The following SLC7A1 variants were observed in gnomAD, a reference collection of about 807,000 sequenced individuals.
SLC7A1 encodes the protein high affinity cationic amino acid transporter 1.
Under a neutral mutation model 53.9 loss-of-function variants are expected in SLC7A1, and 10 were observed. The ratio of observed to expected loss-of-function variants is 0.19; its 90% CI spans 0.11 to 0.31. SLC7A1 has a LOEUF of 0.31. Among genes scored for constraint, SLC7A1 ranks in the 10% least tolerant of loss-of-function variants. The probability of loss-of-function intolerance (pLI) is 1.00; values close to 1 mark genes in which losing one functional copy is unlikely to be tolerated. For synonymous variants in SLC7A1, 342 were observed against 338.7 expected (o/e 1.01, Z -0.11); for missense variants, 525 against 827.2 (o/e 0.63, Z 4.48).
chr13:29,567,686 G>A (rs1319602022), intron 1 of SLC7A1, among the ~76,000 whole-genome samples: 2 of 152,148 alleles, frequency 1.3e-5, no homozygotes, highest in Admixed American at 6.5e-5. Context: ...GATGCAACCC[G>A]GACAGTGCGG....
intron 2 of SLC7A1, among the ~76,000 whole-genome samples, chr13:29,539,945 CT>C (rs1869592274): frequency 6.6e-6 from 1 of 152,190 alleles, no homozygotes; most frequent in South Asian, 2.1e-4. Context: ...GACACTTACT[CT>C]GTCCTGGGTT....
At chr13:29,555,081 G>A (rs1213064253) in intron 1 of SLC7A1, among the ~76,000 whole-genome samples, 9 of 152,032 alleles carry the variant, frequency 5.9e-5, no homozygotes, top group Non-Finnish European at 1.0e-4. Context: ...ATTGTGGGCC[G>A]GGCGCGGTGG....
At chr13:29,589,998 C>CA (rs1452852662) in intron 1 of SLC7A1, among the ~76,000 whole-genome samples, 1 of 152,248 alleles carries the variant, frequency 6.6e-6, no homozygotes, top group Non-Finnish European at 1.5e-5. Context: ...TACCTAGCCC[C>CA]AGGGCCCCTC....
At chr13:29,570,520 G>A (rs544393791) in intron 1 of SLC7A1, among the ~76,000 whole-genome samples, 2 of 152,322 alleles carry the variant, frequency 1.3e-5, no homozygotes, top group East Asian at 1.9e-4. Flanking sequence ...CAGTGAGACA[G>A]ATAGAAGTTA....
intron 1 of SLC7A1, among the ~76,000 whole-genome samples, chr13:29,562,026 G>A (rs1870782167): frequency 6.6e-6 from 1 of 152,180 alleles, no homozygotes; most frequent in Non-Finnish European, 1.5e-5. Flanking sequence ...ACAAATGGAT[G>A]GTACTAGAAA....
intron 6 of SLC7A1, 101 bp from the exon 7 acceptor site, chr13:29,523,589 C>T: frequency 1.2e-6 from 1 of 863,724 alleles, no homozygotes; most frequent in South Asian, 1.6e-5. Context: ...ACCCACGTGA[C>T]CCTACGAGAA....
At chr13:29,572,158 G>T (rs1447075233) in intron 1 of SLC7A1, among the ~76,000 whole-genome samples, 5 of 152,190 alleles carry the variant, frequency 3.3e-5, no homozygotes, top group African/African-American at 1.2e-4. Flanking sequence ...TGCAGCGGCC[G>T]CCTGTGGGTC....
chr13:29,526,776 G>A (rs943033476), intron 5 of SLC7A1, among the ~76,000 whole-genome samples: 1 of 152,196 alleles, frequency 6.6e-6, no homozygotes, highest in Admixed American at 6.5e-5. Flanking sequence ...ATGGGTGAGC[G>A]CAAAGCGAGG....
chr13:29,592,231 A>G (rs535292594), intron 1 of SLC7A1, among the ~76,000 whole-genome samples: 1 of 152,256 alleles, frequency 6.6e-6, no homozygotes, highest in East Asian at 1.9e-4. Context: ...CAGTGTGTTC[A>G]CCAAATGCAA....
intron 3 of SLC7A1, among the ~76,000 whole-genome samples, chr13:29,534,584 G>A (rs551990189): frequency 1.2e-3 from 181 of 152,308 alleles, no homozygotes; most frequent in African/African-American, 4.2e-3. Flanking sequence ...GAATGTGAGT[G>A]TGTGCCCTCC....
chr13:29,516,297 T>G, intron 11 of SLC7A1, 51 bp from the exon 12 acceptor site: 1 of 1,187,652 alleles, frequency 8.4e-7, no homozygotes, highest in Non-Finnish European at 1.2e-6. Flanking sequence ...CCGGTTCCAA[T>G]AGTTCAGTAA....
chr13:29,510,940 G>GCC lies in SLC7A1; in HGVS notation c.*3538_*3539dup, dbSNP rs36114772. 1.4e-4 allele frequency: 21 copies of GCC among 152,336 alleles called. No individual in the cohort carries two copies. The highest frequency in any genetic ancestry group is 5.1e-4 in the African/African-American group (21 of 41,472). 9.4% of individuals were successfully genotyped at this position (152,336 alleles called of 1,614,324 possible). ...GGGCCCCTATGGGGCATGTCCACGT[G>GCC]CCCCCCACCAGACTCATTGCCCTGT... On this transcript the variant is annotated 3_prime_UTR_variant, in exon 13 of 13. Transcript: ENST00000380752.
chr13:29,542,149 C>T (rs991328568), intron 2 of SLC7A1, among the ~76,000 whole-genome samples: 6 of 152,154 alleles, frequency 3.9e-5, no homozygotes, highest in Non-Finnish European at 7.4e-5. Context: ...CTGTGCAAAG[C>T]GTCACTAAAG....
At chr13:29,585,514 TTGATTACAA>T (rs1566278599) in intron 1 of SLC7A1, among the ~76,000 whole-genome samples, 1 of 152,010 alleles carries the variant, frequency 6.6e-6, no homozygotes, top group East Asian at 1.9e-4. Context: ...GTGTGTGTAC[TTGATTACAA>T]TGTAAATTTA....
chr13:29,577,052 G>T (rs1871441765), intron 1 of SLC7A1, among the ~76,000 whole-genome samples: 1 of 152,186 alleles, frequency 6.6e-6, no homozygotes, highest in African/African-American at 2.4e-5. Context: ...TTTACAAATT[G>T]CTTTATCCAG....
intron 1 of SLC7A1, among the ~76,000 whole-genome samples, chr13:29,592,771 A>C (rs922010877): frequency 6.6e-6 from 1 of 152,134 alleles, no homozygotes; most frequent in African/African-American, 2.4e-5. Context: ...CCTGGGGTGG[A>C]TAGCAGGTTG....
At chr13:29,523,080 TGA>T (rs575059272) in intron 7 of SLC7A1, among the ~76,000 whole-genome samples, 184 bp downstream of exon 7, 170 of 152,278 alleles carry the variant, frequency 1.1e-3, no homozygotes, top group African/African-American at 3.5e-3. Flanking sequence ...ACTCTTGGGA[TGA>T]TGAATACTGG....
At position 29,512,826 on chromosome 13, in the gene SLC7A1, G is replaced by A. The variant is rs1299121771; in HGVS notation, c.*1654C>T. The A allele has an allele frequency of 6.6e-6, 1 of 152,250 alleles. No individual in the cohort carries two copies. Among genetic ancestry groups the A allele is most frequent in the Non-Finnish European group, 1.5e-5 (1 of 68,088 alleles). The allele number at this position is 152,250 out of a possible 1,614,324, so 9.4% of individuals were successfully genotyped here. ...CCATCCACCCGCCCTCCACCGCCGT[G>A]TTCACAAATTCTTGCACTTCTCTCC... On this transcript the variant is annotated 3_prime_UTR_variant, in exon 13 of 13. Transcript: ENST00000380752.
intron 2 of SLC7A1, among the ~76,000 whole-genome samples, chr13:29,551,479 G>T (rs996130464): frequency 3.3e-5 from 5 of 152,256 alleles, no homozygotes; most frequent in Non-Finnish European, 7.3e-5. Context: ...AATTCAGACA[G>T]GGTTCAAGAC....
Sources: allele counts gnomAD v4.1 joint callset (sites outside exome capture counted in the v4.1 genomes callset), GRCh38; gene constraint gnomAD v4.1.1; transcripts MANE v1.5; gene names NCBI Gene and HGNC (gene_info 2026-07-23, HGNC 2026-07-21).